Variants in RSRC2 observed in about 807,000 individuals in gnomAD.
RSRC2 encodes the protein arginine and serine rich coiled-coil 2.
RSRC2 carries 5 observed loss-of-function variants against 61.3 expected under a neutral mutation model. The ratio of observed to expected loss-of-function variants is 0.08; its 90% CI spans 0.04 to 0.17. The LOEUF is 0.17. Ranked by LOEUF, RSRC2 falls within the 10% of genes least tolerant of loss-of-function variation. The pLI is 1.00. For synonymous variants in RSRC2, 202 were observed against 166.5 expected (o/e 1.21, Z -1.64); for missense variants, 381 against 518.8 (o/e 0.73, Z 2.58).
At chr12:122,521,344 A>G (rs1292037110) in intron 3 of RSRC2, 41 bp downstream of exon 3, 1 of 1,463,510 alleles carries the variant, frequency 6.8e-7, no homozygotes, top group African/African-American at 1.4e-5. Flanking sequence ...GACACTTTAT[A>G]AGTATTTTAA....
intron 4 of RSRC2, 73 bp downstream of exon 4, chr12:122,518,766 G>A (rs923051723): frequency 1.8e-6 from 2 of 1,136,798 alleles, no homozygotes; most frequent in Non-Finnish European, 2.6e-6. Context: ...GATTTTTTTG[G>A]GTGTTGCTGG....
chr12:122,514,409 C>T (rs559265456), intron 6 of RSRC2, among the ~76,000 whole-genome samples: 5 of 151,354 alleles, frequency 3.3e-5, no homozygotes, highest in Non-Finnish European at 5.9e-5. Context: ...GGATTACAGG[C>T]GCCTGCCACC....
chr12:122,526,858 C>G lies in RSRC2; in HGVS notation c.-5G>C. 1 of 1,614,242 alleles carries G rather than the reference C, an allele frequency of 6.2e-7. No individual in the cohort carries two copies. The highest frequency in any genetic ancestry group is 8.5e-7 in the Non-Finnish European group (1 of 1,180,030). ...AGATTCGGTACCTACCGCCATAGTT[C>G]AGAGTCCCGGCCGCTAGAGCGGCGC... On this transcript the variant is annotated 5_prime_UTR_variant, in exon 1 of 10. Coordinates refer to ENST00000331738, the MANE Select transcript of RSRC2 (RefSeq NM_023012.6).
intron 6 of RSRC2, among the ~76,000 whole-genome samples, chr12:122,513,108 T>C (rs537745641): frequency 5.9e-5 from 9 of 151,784 alleles, no homozygotes; most frequent in African/African-American, 2.2e-4. Flanking sequence ...GGCACGAGAA[T>C]TGCCTGAACC....
chr12:122,521,142 A>T, intron 3 of RSRC2: 1 of 422,408 alleles, frequency 2.4e-6, no homozygotes, highest in South Asian at 3.9e-5. Context: ...CATATTCTTC[A>T]TATGAAATTT....
At position 122,511,093 on chromosome 12, in the gene RSRC2, G is replaced by T. The variant is rs760417077; in HGVS notation, c.805+16C>A. 2 of 1,572,352 alleles carry T rather than the reference G, an allele frequency of 1.3e-6. No individual in the cohort carries two copies. The highest frequency in any genetic ancestry group is 1.4e-5 in the African/African-American group (1 of 73,636). ...AGCTCAAATCGAGATGACTAAAAAA[G>T]AATGAAAAAAATTACCTGCAGCTAT... On this transcript the variant is annotated intron_variant, in intron 7 of 9. Coordinates refer to ENST00000331738, the MANE Select transcript of RSRC2 (RefSeq NM_023012.6).
intron 4 of RSRC2, 81 bp downstream of exon 4, chr12:122,518,757 AT>A (rs1959107855): frequency 1.4e-5 from 15 of 1,103,474 alleles, no homozygotes; most frequent in East Asian, 2.4e-5. Context: ...CCTAATTATG[AT>A]TTTTTTGGGT....
At chr12:122,519,381 A>G (rs1380023658) in intron 3 of RSRC2, 1 of 150,502 alleles carries the variant, frequency 6.6e-6, no homozygotes, top group Non-Finnish European at 1.5e-5. Context: ...AATCCAGATT[A>G]CATAATGTTA....
intron 5 of RSRC2, among the ~76,000 whole-genome samples, chr12:122,515,981 T>A (rs1424333058): frequency 6.6e-6 from 1 of 152,008 alleles, no homozygotes; most frequent in African/African-American, 2.4e-5. Flanking sequence ...AGAGTGAGAC[T>A]CTGTCTCAAA....
chr12:122,506,569 C>CACT (rs1311704139), intron 9 of RSRC2: 2 of 351,012 alleles, frequency 5.7e-6, no homozygotes, highest in African/African-American at 4.2e-5. Context: ...ATGACTGCAC[C>CACT]ACTGTACTCC....
At chr12:122,516,194 T>C (rs1212554802) in intron 5 of RSRC2, among the ~76,000 whole-genome samples, 1 of 152,202 alleles carries the variant, frequency 6.6e-6, no homozygotes, top group Non-Finnish European at 1.5e-5. Flanking sequence ...TTTCAATCTT[T>C]CATACACTGA....
intron 3 of RSRC2, chr12:122,520,713 G>A (rs1593414054): frequency 2.1e-6 from 1 of 480,456 alleles, no homozygotes; most frequent in South Asian, 1.7e-5. Flanking sequence ...GCCCACTCTT[G>A]TTTTAGGAGT....
intron 1 of RSRC2, among the ~76,000 whole-genome samples, chr12:122,525,155 T>C (rs983716358): frequency 6.6e-6 from 1 of 152,072 alleles, no homozygotes; most frequent in African/African-American, 2.4e-5. Flanking sequence ...GGGTGGATCA[T>C]CTGAGGTCAG....
chr12:122,511,940 G>A (rs1958546286), intron 6 of RSRC2, among the ~76,000 whole-genome samples: 1 of 152,114 alleles, frequency 6.6e-6, no homozygotes, highest in Non-Finnish European at 1.5e-5. Context: ...CTGTGTAGCC[G>A]GGATTACAGG....
intron 7 of RSRC2, among the ~76,000 whole-genome samples, chr12:122,509,930 C>T (rs1160036873): frequency 6.6e-6 from 1 of 152,040 alleles, no homozygotes; most frequent in Non-Finnish European, 1.5e-5. Flanking sequence ...CCTCTACCTC[C>T]CGAGTTCAAG....
intron 3 of RSRC2, 35 bp downstream of exon 3, chr12:122,521,350 T>C (rs772963856): frequency 2.0e-6 from 3 of 1,537,676 alleles, no homozygotes; most frequent in Non-Finnish European, 2.7e-6. Flanking sequence ...TTATAAGTAT[T>C]TTAAAGTACC....
Position 122,522,287 on chromosome 12 carries a change from C to G in RSRC2, c.19G>C (p.Glu7Gln). ...TTTTCTGGGGCTAGTCCATCTCGCT[C>G]TGTATCACTAGCCTAAAAGTTTAAA... MAASDTERDGLAPEKTS... is the reference protein window; with the variant it reads MAASDTQRDGLAPEKTS... Residue 7 changes from glutamate to glutamine, a missense_variant, in exon 2 of 10, where the codon GAG (glutamate) becomes CAG (glutamine). By Grantham distance (29) the Glu-to-Gln change is conservative. Coordinates refer to ENST00000331738, the MANE Select transcript of RSRC2 (RefSeq NM_023012.6). 6.3e-7 allele frequency: 1 copy of G among 1,596,884 alleles called. No homozygotes were observed. The highest frequency in any genetic ancestry group is 8.5e-7 in the Non-Finnish European group (1 of 1,174,962).
chr12:122,514,265 TGTG>T (rs1958742590), intron 6 of RSRC2, among the ~76,000 whole-genome samples: 2 of 116,386 alleles, frequency 1.7e-5, no homozygotes, highest in South Asian at 2.8e-4. Context: ...TGTGTGTGTG[TGTG>T]TGTTTTTTTT....
intron 5 of RSRC2, among the ~76,000 whole-genome samples, chr12:122,516,967 A>G (rs1958977471): frequency 6.6e-6 from 1 of 152,228 alleles, no homozygotes; most frequent in Admixed American, 6.5e-5. Context: ...GGTGTAAACC[A>G]CGACACCTAG....
Sources: gnomAD v4.1 joint callset for allele counts (sites outside exome capture counted in the v4.1 genomes callset) on GRCh38, gnomAD v4.1.1 for gene constraint, MANE v1.5 for transcripts, NCBI Gene and HGNC (gene_info 2026-07-23, HGNC 2026-07-21) for gene names.